The following TMEM163 variants were observed in gnomAD, a reference collection of about 807,000 sequenced individuals.
TMEM163 encodes the protein transmembrane protein 163.
In TMEM163, 17 loss-of-function variants were observed where a neutral mutation model predicts 29.3. That is an observed-to-expected ratio of 0.58 (90% CI 0.40 to 0.87). The LOEUF is 0.87. Ranked by LOEUF, TMEM163 falls within the 40% of genes least tolerant of loss-of-function variation. The pLI, the probability that TMEM163 is intolerant of heterozygous loss-of-function variation, is 0.00. For synonymous variants in TMEM163, 157 were observed against 160.6 expected (o/e 0.98, Z 0.17); for missense variants, 303 against 381.5 (o/e 0.79, Z 1.71).
At chr2:134,604,090 C>T (rs185063456) in intron 2 of TMEM163, among the ~76,000 whole-genome samples, 5 of 152,104 alleles carry the variant, frequency 3.3e-5, no homozygotes, top group Admixed American at 6.5e-5. Context: ...TTAGCTCCAA[C>T]GTAACTCCTT....
chr2:134,685,301 C>G (rs1430837884), intron 2 of TMEM163, among the ~76,000 whole-genome samples: 1 of 152,170 alleles, frequency 6.6e-6, no homozygotes, highest in African/African-American at 2.4e-5. Flanking sequence ...TCACAATTCT[C>G]TTGCTTTATA....
intron 2 of TMEM163, among the ~76,000 whole-genome samples, chr2:134,708,703 C>T (rs1336605356): frequency 6.6e-6 from 1 of 152,152 alleles, no homozygotes; most frequent in African/African-American, 2.4e-5. Context: ...TCTCCTGCCT[C>T]AGCCTCCCAA....
At chr2:134,529,158 C>T (rs1680359509) in intron 4 of TMEM163, among the ~76,000 whole-genome samples, 2 of 151,860 alleles carry the variant, frequency 1.3e-5, no homozygotes, top group Admixed American at 1.3e-4. Flanking sequence ...TGGTGAAACC[C>T]CGTCTCTACT....
At chr2:134,560,044 C>T (rs1203534813) in intron 2 of TMEM163, among the ~76,000 whole-genome samples, 1 of 152,044 alleles carries the variant, frequency 6.6e-6, no homozygotes, top group East Asian at 1.9e-4. Context: ...CACAGCCAGG[C>T]CACGGCTCTT....
chr2:134,482,526 T>A (rs1679215291), intron 5 of TMEM163, among the ~76,000 whole-genome samples: 1 of 152,138 alleles, frequency 6.6e-6, no homozygotes, highest in Non-Finnish European at 1.5e-5. Flanking sequence ...ACACTACATG[T>A]GTTAGAGTAT....
At chr2:134,570,865 A>C (rs1681405754) in intron 2 of TMEM163, among the ~76,000 whole-genome samples, 1 of 152,230 alleles carries the variant, frequency 6.6e-6, no homozygotes, top group Admixed American at 6.5e-5. Flanking sequence ...AGAAGAGAGA[A>C]AGGAGAATGG....
intron 2 of TMEM163, among the ~76,000 whole-genome samples, chr2:134,611,982 G>A (rs1682513205): frequency 6.6e-6 from 1 of 152,200 alleles, no homozygotes; most frequent in African/African-American, 2.4e-5. Flanking sequence ...TCCCAACAGG[G>A]GAAGTGGAAG....
chr2:134,494,378 A>G (rs1054966284), intron 5 of TMEM163, among the ~76,000 whole-genome samples: 1 of 152,220 alleles, frequency 6.6e-6, no homozygotes, highest in African/African-American at 2.4e-5. Context: ...AACAATTAAT[A>G]AAACTCCCCA....
At chr2:134,689,360 G>A (rs1328262892) in intron 2 of TMEM163, among the ~76,000 whole-genome samples, 3 of 151,986 alleles carry the variant, frequency 2.0e-5, no homozygotes, top group African/African-American at 7.2e-5. Context: ...TGCCTGCCTC[G>A]GCCTCCCGAA....
chr2:134,574,806 C>A (rs1681511565), intron 2 of TMEM163, among the ~76,000 whole-genome samples: 1 of 152,132 alleles, frequency 6.6e-6, no homozygotes, highest in Non-Finnish European at 1.5e-5. Context: ...TTTGATGCAG[C>A]TGTGTAGGAG....
At position 134,471,461 on chromosome 2, in the gene TMEM163, T is replaced by TC. The variant is rs570846891; in HGVS notation, c.556-5237dup. 1.1e-4 allele frequency among the ~76,000 whole-genome samples: 16 copies of TC among 152,250 alleles called. No individual in the cohort carries two copies. In the East Asian group the frequency reaches 2.3e-3, roughly 22 times the overall value. ...CAGCCATCTGTAACCCAAGGAAGGA[T>TC]CCCTCACCAGATGCTGACTCTGCTG... On this transcript the variant is annotated intron_variant, in intron 5 of 7. Coordinates refer to ENST00000281924, the MANE Select transcript of TMEM163 (RefSeq NM_030923.5).
rs1254285388 is a variant in TMEM163, at chr2:134,520,479, AT to A, written c.459-17483del. Reference sequence around the variant, plus strand: ...AGCTGTGTCACTTCTCTATGCCATGATTTCATTGTCTGTATGATTGTAGTAC... The same window carrying A: ...AGCTGTGTCACTTCTCTATGCCATGATTCATTGTCTGTATGATTGTAGTAC... On this transcript the variant is annotated intron_variant, in intron 4 of 7. Transcript: ENST00000281924. Among the ~76,000 whole-genome samples, 12 of 152,148 alleles carry A rather than the reference AT, an allele frequency of 7.9e-5. 1 individual carries two copies. The highest frequency in any genetic ancestry group is 7.9e-4 in the Admixed American group (12 of 15,282).
Position 134,467,635 on chromosome 2 carries a change from G to A in TMEM163, c.556-1410C>T, listed in dbSNP as rs556799557. 4.6e-5 allele frequency: 7 copies of A among 152,318 alleles called. No individual in the cohort carries two copies. In the South Asian group the frequency reaches 1.5e-3, roughly 32 times the overall value. The allele number at this position is 152,318 out of a possible 1,614,324, so 9.4% of individuals were successfully genotyped here. A position where few individuals can be genotyped will look rare whatever the true frequency, so the allele number is the denominator to read the frequency against. On this transcript the variant is annotated intron_variant, in intron 5 of 7. Transcript: ENST00000281924. ...ACGACCGAGAGACTGTCACACACTG[G>A]AGACTTAAGGAGATGTGACAAGTAA...
intron 2 of TMEM163, among the ~76,000 whole-genome samples, chr2:134,705,859 T>C (rs536250600): frequency 1.3e-5 from 2 of 152,300 alleles, no homozygotes; most frequent in East Asian, 3.9e-4. Flanking sequence ...AAAGGGCCCC[T>C]GCCAGCAAGG....
intron 2 of TMEM163, among the ~76,000 whole-genome samples, chr2:134,576,280 A>G (rs1681553134): frequency 6.6e-6 from 1 of 152,116 alleles, no homozygotes; most frequent in Admixed American, 6.5e-5. Flanking sequence ...AATTCTACGA[A>G]GTGGTTTTAG....
intron 2 of TMEM163, among the ~76,000 whole-genome samples, chr2:134,611,542 C>T (rs1407251886): frequency 2.0e-5 from 3 of 152,094 alleles, no homozygotes; most frequent in Admixed American, 6.5e-5. Context: ...CTAGTCATGA[C>T]ATATTCAGAG....
intron 2 of TMEM163, among the ~76,000 whole-genome samples, chr2:134,596,896 T>C (rs998386105): frequency 8.5e-5 from 13 of 152,244 alleles, no homozygotes; most frequent in South Asian, 4.1e-4. Flanking sequence ...GATTTGTCTC[T>C]CATGATTTGG....
chr2:134,466,114 C>T lies in TMEM163; in HGVS notation c.667G>A (p.Gly223Arg). The T allele has an allele frequency of 6.2e-7, 1 of 1,611,260 alleles. No homozygotes were observed. Among genetic ancestry groups the T allele is most frequent in the Non-Finnish European group, 8.5e-7 (1 of 1,178,610 alleles). ...GATTAGGCACCCTGGCCTTACTCAC[C>T]ATCTGTTATGAGTGCTCTACTGGTC... ...VLTSRALITD[G>R]FNSLVGGVMG... Residue 223 changes from glycine to arginine, a missense_variant and splice_region_variant, in exon 6 of 8, where the codon GGG becomes AGG. By Grantham distance (125) the Gly-to-Arg change is moderately radical (BLOSUM62 -2). Around this residue, in one of 2 missense-constraint regions of TMEM163, gnomAD observed 203 missense variants for 294.3 expected, o/e 0.69. Transcript: ENST00000281924.
intron 4 of TMEM163, among the ~76,000 whole-genome samples, chr2:134,535,045 T>C (rs1467653859): frequency 6.6e-6 from 1 of 152,214 alleles, no homozygotes; most frequent in African/African-American, 2.4e-5. Flanking sequence ...ACACCACTAC[T>C]ATTTTGGAAA....
Sources: gnomAD v4.1 joint callset for allele counts (sites outside exome capture counted in the v4.1 genomes callset) on GRCh38, gnomAD v4.1.1 for gene constraint, gnomAD v4.1.1 regional missense constraint, MANE v1.5 for transcripts, NCBI Gene and HGNC (gene_info 2026-07-23, HGNC 2026-07-21) for gene names.